The following DNAJC3 variants were observed in gnomAD, a reference collection of about 807,000 sequenced individuals.
DNAJC3 encodes DnaJ heat shock protein family (Hsp40) member C3.
DNAJC3 carries 38 observed loss-of-function variants against 68.6 expected under a neutral mutation model. The ratio of observed to expected loss-of-function variants is 0.55; its 90% CI spans 0.43 to 0.73. The LOEUF is 0.73. Among genes scored for constraint, DNAJC3 ranks in the 30% least tolerant of loss-of-function variants. The pLI is 0.00. For missense variants in DNAJC3, 526 were observed against 591.9 expected, an observed-to-expected ratio of 0.89 and a Z score of 1.16; for synonymous variants, 203 against 204.0, an observed-to-expected ratio of 1.00 and a Z score of 0.04.
In DNAJC3 at chr13:95,740,096, T is replaced by TG. The variant is rs536604896; in HGVS notation, c.393+14850dup. On this transcript the variant is annotated intron_variant, in intron 4 of 11. Coordinates refer to ENST00000602402, the MANE Select transcript of DNAJC3 (RefSeq NM_006260.5). ...GTGTGAGGTGTCAGTGTGCCCCTGCTGGGGGGTGCCTCCCAGTTAGGCTGC... is the reference window on the plus strand; with the variant it reads ...GTGTGAGGTGTCAGTGTGCCCCTGCTGGGGGGGTGCCTCCCAGTTAGGCTGC... Among the ~76,000 whole-genome samples, 1,413 of 152,262 alleles carry TG rather than the reference T, an allele frequency of 9.3e-3. 23 individuals carry two copies. Among genetic ancestry groups the TG allele is most frequent in the African/African-American group, 0.032 (1,336 of 41,538 alleles).
chr13:95,702,243 C>T (rs1178423603), intron 1 of DNAJC3, among the ~76,000 whole-genome samples: 4 of 152,200 alleles, frequency 2.6e-5, no homozygotes, highest in African/African-American at 9.7e-5. Flanking sequence ...CCTCCTGCCT[C>T]TTCCCAGTCT....
At position 95,790,804 on chromosome 13, in the gene DNAJC3, A is replaced by G. The variant is rs1883744624; in HGVS notation, c.1358-69A>G. 3 of 1,536,116 alleles carry G rather than the reference A, an allele frequency of 2.0e-6. No homozygotes were observed. In the African/African-American group the frequency reaches 4.2e-5, roughly 22 times the overall value. ...AAGCCCACCCACCCTCCTCTGCCCA[A>G]AGAAAACATTCCCCCTGCCCCTATA... On this transcript the variant is annotated intron_variant, in intron 11 of 11. Coordinates refer to ENST00000602402, the MANE Select transcript of DNAJC3 (RefSeq NM_006260.5).
intron 9 of DNAJC3, among the ~76,000 whole-genome samples, chr13:95,782,837 C>T (rs960841187): frequency 5.3e-5 from 8 of 152,180 alleles, no homozygotes; most frequent in Admixed American, 1.3e-4. Flanking sequence ...TCCCATTTGT[C>T]AATTTTGGCG....
intron 1 of DNAJC3, among the ~76,000 whole-genome samples, chr13:95,684,652 G>A (rs939658451): frequency 6.6e-6 from 1 of 152,320 alleles, no homozygotes; most frequent in African/African-American, 2.4e-5. Flanking sequence ...GCATCTCAGC[G>A]ACCTTTAAGG....
chr13:95,782,381 T>C (rs150742213), intron 9 of DNAJC3, among the ~76,000 whole-genome samples: 4,366 of 152,334 alleles, frequency 0.029, 107 homozygotes, highest in Non-Finnish European at 0.047. Flanking sequence ...ATCACCACAC[T>C]GTCTTCTACA....
chr13:95,726,576 T>G (rs1478631150), intron 4 of DNAJC3, among the ~76,000 whole-genome samples: 1 of 152,222 alleles, frequency 6.6e-6, no homozygotes, highest in Non-Finnish European at 1.5e-5. Context: ...TATGGCTGCT[T>G]TACAAAGTGT....
At position 95,757,742 on chromosome 13, in the gene DNAJC3, T is replaced by G; in HGVS notation, c.492T>G (p.Ala164=). The G allele has an allele frequency of 6.3e-7, 1 of 1,575,872 alleles. No individual in the cohort carries two copies. Among genetic ancestry groups the G allele is most frequent in the Non-Finnish European group, 8.7e-7 (1 of 1,150,484 alleles). ...MQRLRSQALN[A]FGSGDYTAAI... ...GTTTGCGTTCACAAGCACTTAACGCTTTTGGAAGTGGAGATTATACTGCTG... is the reference window on the plus strand; with the variant it reads ...GTTTGCGTTCACAAGCACTTAACGCGTTTGGAAGTGGAGATTATACTGCTG... The change falls in exon 5 of 12, where the codon GCT becomes GCG. Residue 164 remains alanine (A), a synonymous_variant. Coordinates refer to ENST00000602402, the MANE Select transcript of DNAJC3 (RefSeq NM_006260.5).
At chr13:95,688,423 C>T (rs1302763019) in intron 1 of DNAJC3, among the ~76,000 whole-genome samples, 2 of 151,630 alleles carry the variant, frequency 1.3e-5, no homozygotes, top group African/African-American at 4.9e-5. Context: ...TTATAGATGG[C>T]TTTTATTGTT....
intron 7 of DNAJC3, 47 bp downstream of exon 7, chr13:95,760,845 G>A (rs1366592351): frequency 6.3e-7 from 1 of 1,588,984 alleles, no homozygotes; most frequent in East Asian, 2.3e-5. Flanking sequence ...TTATGTGCGG[G>A]GCTGTGGGCA....
chr13:95,711,934 C>T (rs1880981810), intron 2 of DNAJC3, among the ~76,000 whole-genome samples: 1 of 152,224 alleles, frequency 6.6e-6, no homozygotes, highest in East Asian at 1.9e-4. Context: ...GTCTCATGAA[C>T]ATAACTACAA....
intron 4 of DNAJC3, among the ~76,000 whole-genome samples, chr13:95,753,060 T>C (rs1237783453): frequency 1.3e-5 from 2 of 152,216 alleles, no homozygotes; most frequent in Non-Finnish European, 2.9e-5. Flanking sequence ...GTTATCCAAC[T>C]ATTTCTTTTC....
At chr13:95,734,335 A>G (rs1351928840) in intron 4 of DNAJC3, among the ~76,000 whole-genome samples, 6 of 152,194 alleles carry the variant, frequency 3.9e-5, no homozygotes, top group Non-Finnish European at 7.3e-5. Flanking sequence ...CACTTTGAGT[A>G]TATCATTCCA....
At position 95,793,269 on chromosome 13, in the gene DNAJC3, T is replaced by C. The variant is rs988323281; in HGVS notation, c.*2239T>C. ...GATTCATGAAGAAAGTAACAACTGTTGAGTTTCAGCCTTGATGGCTGTCGG... is the reference window on the plus strand; with the variant it reads ...GATTCATGAAGAAAGTAACAACTGTCGAGTTTCAGCCTTGATGGCTGTCGG... On this transcript the variant is annotated 3_prime_UTR_variant, in exon 12 of 12. Transcript: ENST00000602402. The C allele has an allele frequency of 2.0e-5, 3 of 152,108 alleles. No homozygotes were observed. The highest frequency in any genetic ancestry group is 2.9e-5 in the Non-Finnish European group (2 of 68,034). 9.4% of individuals were successfully genotyped at this position (152,108 alleles called of 1,614,324 possible).
At chr13:95,697,438 T>G (rs1880471566) in intron 1 of DNAJC3, among the ~76,000 whole-genome samples, 1 of 152,216 alleles carries the variant, frequency 6.6e-6, no homozygotes, top group East Asian at 1.9e-4. Flanking sequence ...GATTTGACAC[T>G]TCTGTCTAAC....
At chr13:95,776,649 C>G (rs979503538) in intron 9 of DNAJC3, among the ~76,000 whole-genome samples, 1 of 152,074 alleles carries the variant, frequency 6.6e-6, no homozygotes, top group Non-Finnish European at 1.5e-5. Flanking sequence ...TATTTTTGTA[C>G]TTTTAAAAAT....
chr13:95,688,291 G>C (rs1292834476), intron 1 of DNAJC3, among the ~76,000 whole-genome samples: 1 of 152,060 alleles, frequency 6.6e-6, no homozygotes, highest in Non-Finnish European at 1.5e-5. Context: ...GATTGCTCTG[G>C]TTAAGACTTC....
intron 9 of DNAJC3, among the ~76,000 whole-genome samples, chr13:95,764,600 A>G (rs1339165169): frequency 6.9e-6 from 1 of 144,200 alleles, no homozygotes; most frequent in African/African-American, 2.5e-5. Flanking sequence ...TTTGGAAGAT[A>G]ACTACGGCGT....
chr13:95,743,779 G>C (rs528133759), intron 4 of DNAJC3, among the ~76,000 whole-genome samples: 2 of 152,168 alleles, frequency 1.3e-5, no homozygotes, highest in Admixed American at 6.5e-5. Context: ...GGCTAGTGTT[G>C]AACTCCTGAC....
intron 1 of DNAJC3, among the ~76,000 whole-genome samples, chr13:95,705,456 C>T (rs1196833062): frequency 6.6e-6 from 1 of 151,906 alleles, no homozygotes; most frequent in Admixed American, 6.6e-5. Context: ...AGGGGAGTGA[C>T]AAGAATTTTG....
Sources: allele counts gnomAD v4.1 joint callset (sites outside exome capture counted in the v4.1 genomes callset), GRCh38; gene constraint gnomAD v4.1.1; transcripts MANE v1.5; gene names NCBI Gene and HGNC (gene_info 2026-07-23, HGNC 2026-07-21).